The following AGBL4 variants were observed in gnomAD, a reference collection of about 807,000 sequenced individuals.
AGBL4 encodes AGBL carboxypeptidase 4, also known as cytosolic carboxypeptidase 6.
Under a neutral mutation model 66.4 loss-of-function variants are expected in AGBL4, and 58 were observed. The ratio of observed to expected loss-of-function variants is 0.87; its 90% CI spans 0.71 to 1.09. The LOEUF is 1.09. Among genes scored for constraint, AGBL4 ranks in the 50% least tolerant of loss-of-function variants. The pLI, the probability that AGBL4 is intolerant of heterozygous loss-of-function variation, is 0.00. For synonymous variants in AGBL4, 234 were observed against 222.9 expected (o/e 1.05, Z -0.44); for missense variants, 579 against 631.0 (o/e 0.92, Z 0.88).
chr1:48,609,841 G>A (rs542697291), intron 9 of AGBL4, among the ~76,000 whole-genome samples: 7 of 152,262 alleles, frequency 4.6e-5, no homozygotes, highest in Admixed American at 6.5e-5. Flanking sequence ...TACTGGCGTC[G>A]CTTCCTTTCA....
At chr1:49,439,370 A>G (rs866427961) in intron 3 of AGBL4, among the ~76,000 whole-genome samples, 8 of 152,242 alleles carry the variant, frequency 5.3e-5, no homozygotes, top group Middle Eastern at 3.2e-3. Context: ...TCTCAGGAAT[A>G]AGACTGTACC....
At chr1:48,679,651 G>C (rs999666976) in intron 6 of AGBL4, among the ~76,000 whole-genome samples, 6 of 152,180 alleles carry the variant, frequency 3.9e-5, no homozygotes, top group African/African-American at 1.4e-4. Flanking sequence ...CTTGCTCCAG[G>C]TCACATGGCT....
chr1:48,736,400 T>C lies in AGBL4; in HGVS notation c.635-73159A>G, dbSNP rs1412021872. 1 of 1,614,204 alleles carries C rather than the reference T, an allele frequency of 6.2e-7. No individual in the cohort carries two copies. The highest frequency in any genetic ancestry group is 1.1e-5 in the South Asian group (1 of 91,086). On this transcript the variant is annotated intron_variant, in intron 6 of 13. Transcript: ENST00000371839. The surrounding 1 kb of genome is among the most constrained non-coding windows in gnomAD (Gnocchi z 4.0). ...GTACTTGGAATCTCCTTGGGTTACT[T>C]GTAGCTGGTGCCATTTCTCCTCATC...
At chr1:48,741,467 C>A (rs1649898777) in intron 6 of AGBL4, among the ~76,000 whole-genome samples, 1 of 152,242 alleles carries the variant, frequency 6.6e-6, no homozygotes, top group Non-Finnish European at 1.5e-5. Flanking sequence ...TTCAAGCCTG[C>A]TGAAGGCAGC....
Position 49,938,752 on chromosome 1 carries a change from T to A in AGBL4, c.34+85011A>T, listed in dbSNP as rs1279280950. ...AGAACCAAAGACAAAAACCACATGA[T>A]TATCTCAATAGATGCAGAAAAGACC... On this transcript the variant is annotated intron_variant, in intron 1 of 13. Transcript: ENST00000371839. Among the ~76,000 whole-genome samples the A allele has an allele frequency of 2.0e-5, 3 of 152,274 alleles. No individual in the cohort carries two copies. In the East Asian group the frequency reaches 5.8e-4, roughly 29 times the overall value.
At chr1:49,963,930 TGA>T (rs922746603) in intron 1 of AGBL4, among the ~76,000 whole-genome samples, 13 of 152,024 alleles carry the variant, frequency 8.6e-5, no homozygotes, top group African/African-American at 3.1e-4. Flanking sequence ...AATGGAAAGC[TGA>T]GTGTCATAAG....
intron 3 of AGBL4, among the ~76,000 whole-genome samples, chr1:49,671,836 CAG>C (rs1287455434): frequency 2.0e-5 from 3 of 152,020 alleles, no homozygotes; most frequent in Non-Finnish European, 1.5e-5. Flanking sequence ...AAAAAAATAA[CAG>C]ATATTGGTGA....
At chr1:49,024,117 T>C (rs1663456494) in intron 5 of AGBL4, among the ~76,000 whole-genome samples, 1 of 152,172 alleles carries the variant, frequency 6.6e-6, no homozygotes, top group Non-Finnish European at 1.5e-5. Context: ...TTGAGTTTAC[T>C]AACAAAAAGA....
At chr1:49,252,622 G>A (rs1301400099) in intron 3 of AGBL4, among the ~76,000 whole-genome samples, 1 of 152,096 alleles carries the variant, frequency 6.6e-6, no homozygotes, top group African/African-American at 2.4e-5. Flanking sequence ...ATCCTCCAAG[G>A]TTAAAATGAA....
At chr1:49,846,024 C>A in intron 2 of AGBL4, 1 of 1,594,372 alleles carries the variant, frequency 6.3e-7, no homozygotes, top group African/African-American at 1.3e-5. Context: ...TGTGGCAGAG[C>A]CTTCAGTCAG....
intron 11 of AGBL4, among the ~76,000 whole-genome samples, chr1:48,561,682 A>C (rs1478650378): frequency 6.6e-6 from 1 of 152,224 alleles, no homozygotes; most frequent in Non-Finnish European, 1.5e-5. Flanking sequence ...AAAGAGGCTG[A>C]GAGGGAATGC....
chr1:49,222,798 A>G (rs1001139581), intron 4 of AGBL4, among the ~76,000 whole-genome samples: 6 of 152,246 alleles, frequency 3.9e-5, no homozygotes, highest in Admixed American at 1.3e-4. Context: ...ACCATCCAAA[A>G]GTACCATTTA....
intron 6 of AGBL4, among the ~76,000 whole-genome samples, chr1:48,686,068 G>A (rs149130512): frequency 2.6e-4 from 39 of 152,280 alleles, no homozygotes; most frequent in African/African-American, 8.9e-4. Context: ...AAATCCCTAT[G>A]AGATAGCCAT....
intron 3 of AGBL4, among the ~76,000 whole-genome samples, chr1:49,627,853 T>C (rs1365357873): frequency 6.6e-6 from 1 of 152,198 alleles, no homozygotes; most frequent in Non-Finnish European, 1.5e-5. Flanking sequence ...TCAGTTTACC[T>C]GCTGAGGCAG....
At chr1:48,723,442 A>G (rs1366295809) in intron 6 of AGBL4, among the ~76,000 whole-genome samples, 1 of 152,182 alleles carries the variant, frequency 6.6e-6, no homozygotes, top group Non-Finnish European at 1.5e-5. Context: ...TGATCCTTAG[A>G]TTCCATGAGC....
At chr1:49,071,998 A>G (rs1006555364) in intron 4 of AGBL4, among the ~76,000 whole-genome samples, 2 of 152,084 alleles carry the variant, frequency 1.3e-5, no homozygotes, top group Non-Finnish European at 2.9e-5. Flanking sequence ...CCATTATGTA[A>G]TGGCCTTCTT....
chr1:49,610,758 C>A (rs570769155), intron 3 of AGBL4, among the ~76,000 whole-genome samples: 8 of 152,250 alleles, frequency 5.3e-5, no homozygotes, highest in African/African-American at 7.2e-5. Flanking sequence ...GCCTCCAGAA[C>A]TGTGAGCGAT....
At chr1:49,846,293 C>A (rs1646141478) in intron 2 of AGBL4, 5 of 1,509,236 alleles carry the variant, frequency 3.3e-6, no homozygotes, top group Non-Finnish European at 4.6e-6. Context: ...CCTCACACAG[C>A]ACTGGAGGAT....
intron 6 of AGBL4, among the ~76,000 whole-genome samples, chr1:48,835,163 G>C (rs1463583625): frequency 2.0e-5 from 3 of 152,076 alleles, no homozygotes; most frequent in Non-Finnish European, 4.4e-5. Flanking sequence ...CTACTAAATG[G>C]ACTTATGGGT....
Sources: allele counts gnomAD v4.1 joint callset (sites outside exome capture counted in the v4.1 genomes callset), GRCh38; gene constraint gnomAD v4.1.1; non-coding constraint Gnocchi (gnomAD v3.1); transcripts MANE v1.5; gene names NCBI Gene and HGNC (gene_info 2026-07-23, HGNC 2026-07-21).